DTNB: variants seen among roughly 807,000 people sequenced by gnomAD.
DTNB encodes the protein dystrobrevin beta.
DTNB carries 63 observed loss-of-function variants against 90.7 expected under a neutral mutation model. The observed-to-expected ratio is 0.69, with a 90% CI of 0.57 to 0.86. DTNB has a LOEUF of 0.86. Among genes scored for constraint, DTNB ranks in the 40% least tolerant of loss-of-function variants. The pLI, the probability that DTNB is intolerant of heterozygous loss-of-function variation, is 0.00. For missense variants in DTNB, 744 were observed against 807.1 expected (o/e 0.92, Z 0.95); for synonymous variants, 277 against 286.7 (o/e 0.97, Z 0.34).
At chr2:25,592,098 G>T (rs1573064436) in intron 6 of DTNB, among the ~76,000 whole-genome samples, 1 of 148,804 alleles carries the variant, frequency 6.7e-6, no homozygotes, top group Non-Finnish European at 1.5e-5. Context: ...TGCCTACCCA[G>T]CTTCAACAGT....
chr2:25,405,612 T>A (rs1573937462), intron 16 of DTNB, among the ~76,000 whole-genome samples: 1 of 152,168 alleles, frequency 6.6e-6, no homozygotes, highest in African/African-American at 2.4e-5. Context: ...GTTGTTGTTT[T>A]TTTTTTCAAC....
At position 25,432,909 on chromosome 2, in the gene DTNB, C is replaced by G; in HGVS notation, c.1434G>C (p.Leu478=). Residue 478 remains leucine (L), a synonymous_variant, in exon 14 of 21, where the codon CTG becomes CTC. Coordinates refer to ENST00000406818, the MANE Select transcript of DTNB (RefSeq NM_021907.5). ...ACCTCAGCAGCCGCAGCTCTGCCAG[C>G]AGCGTGGGGTTCTGCTGTGCCTTCT... The part of the protein sequence containing the change: ...TPEKAQQNPT[L]LAELRLLRQR... The G allele has an allele frequency of 6.2e-7, 1 of 1,608,410 alleles. No individual in the cohort carries two copies. Among genetic ancestry groups the G allele is most frequent in the Non-Finnish European group, 8.5e-7 (1 of 1,178,198 alleles).
intron 16 of DTNB, 80 bp from the exon 17 acceptor site, chr2:25,388,441 C>G (rs1393854818): frequency 6.7e-7 from 1 of 1,483,716 alleles, no homozygotes; most frequent in Non-Finnish European, 9.0e-7. Context: ...TTTTCTCCAT[C>G]AACCAGAGCC....
In DTNB at chr2:25,432,893, G is replaced by A. The variant is rs746077862; in HGVS notation, c.1450C>T (p.Leu484=). 4.0e-5 allele frequency: 64 copies of A among 1,601,096 alleles called. No homozygotes were observed. The highest frequency in any genetic ancestry group is 1.7e-4 in the Middle Eastern group (1 of 6,050). ...QNPTLLAELR[L]LRQRKDELEQ... is the part of the protein sequence containing the mutation. ...TAGAGTGTCCCTACTCACCTCAGCA[G>A]CCGCAGCTCTGCCAGCAGCGTGGGG... is the stretch of plus-strand genomic sequence containing the variant. Residue 484 remains leucine, a synonymous_variant, in exon 14 of 21, where the codon CTG becomes TTG. Transcript: ENST00000406818.
chr2:25,639,638 C>T (rs1390956505), intron 2 of DTNB, among the ~76,000 whole-genome samples: 1 of 150,900 alleles, frequency 6.6e-6, no homozygotes, highest in African/African-American at 2.4e-5. Context: ...ATTTTCAGAA[C>T]AGTATTTTAT....
intron 10 of DTNB, among the ~76,000 whole-genome samples, chr2:25,472,162 TAG>T (rs1275951357): frequency 6.6e-6 from 1 of 152,218 alleles, no homozygotes; most frequent in African/African-American, 2.4e-5. Flanking sequence ...AAAGAGCTTG[TAG>T]TCTAGAAAGG....
intron 3 of DTNB, 108 bp from the exon 4 acceptor site, chr2:25,628,492 C>G (rs760701015): frequency 4.2e-5 from 45 of 1,060,414 alleles, no homozygotes; most frequent in Middle Eastern, 2.7e-4. Flanking sequence ...AGAGAAGAAA[C>G]TCTTTAGCCA....
intron 15 of DTNB, among the ~76,000 whole-genome samples, chr2:25,427,110 G>A (rs1279072426): frequency 4.0e-5 from 6 of 151,526 alleles, no homozygotes; most frequent in African/African-American, 9.7e-5. Flanking sequence ...CCTGGGAGGC[G>A]GAGGTTCCAG....
rs185949031 is a variant in DTNB, at chr2:25,378,392, A to T, written c.*30-839T>A. Among the ~76,000 whole-genome samples, 584 of 152,228 alleles carry T rather than the reference A, an allele frequency of 3.8e-3. 5 individuals carry two copies. Among genetic ancestry groups the T allele is most frequent in the African/African-American group, 0.013 (553 of 41,542 alleles). ...CAGAGTCAGCGCAGGCCGAGGCTGC[A>T]GGGGCCCCGGGGGAGCGGGCAGAGG... On this transcript the variant is annotated intron_variant, in intron 20 of 20. Transcript: ENST00000406818.
intron 8 of DTNB, among the ~76,000 whole-genome samples, chr2:25,536,890 G>A (rs986910497): frequency 9.2e-5 from 14 of 152,190 alleles, no homozygotes; most frequent in East Asian, 5.8e-4. Flanking sequence ...CTACAGGCGC[G>A]TGCCACCATG....
chr2:25,472,398 TGA>T (rs2062970723), intron 10 of DTNB, among the ~76,000 whole-genome samples: 1 of 152,084 alleles, frequency 6.6e-6, no homozygotes, highest in Admixed American at 6.5e-5. Flanking sequence ...TGGGGCATTG[TGA>T]GAGGTCCAAG....
intron 16 of DTNB, among the ~76,000 whole-genome samples, chr2:25,412,553 C>A (rs143404742): frequency 6.6e-6 from 1 of 152,126 alleles, no homozygotes; most frequent in African/African-American, 2.4e-5. Context: ...AGTCTTTAAG[C>A]CTGATGATCA....
At position 25,659,030 on chromosome 2, in the gene DTNB, C is replaced by T. The variant is rs530374843; in HGVS notation, c.-1-6369G>A. ...GTCCCACCCCTGCTTCTCTAAGTTT[C>T]GGGACTACAGGAGTGAGCCACCACA... On this transcript the variant is annotated intron_variant, in intron 1 of 20. Coordinates refer to ENST00000406818, the MANE Select transcript of DTNB (RefSeq NM_021907.5). 3.4e-4 allele frequency among the ~76,000 whole-genome samples: 52 copies of T among 151,844 alleles called. 1 individual carries two copies. Among genetic ancestry groups the T allele is most frequent in the South Asian group, 2.5e-3 (12 of 4,800 alleles).
At position 25,658,120 on chromosome 2, in the gene DTNB, G is replaced by C. The variant is rs1052739484; in HGVS notation, c.-1-5459C>G. Among the ~76,000 whole-genome samples, 29 of 151,992 alleles carry C rather than the reference G, an allele frequency of 1.9e-4. 2 individuals carry two copies. The highest frequency in any genetic ancestry group is 1.7e-3 in the Admixed American group (26 of 15,264). ...AAAAGTACAAAAATGATCTGGGCGT[G>C]GTGGCACACACCTGTAGTCCCAGCT... On this transcript the variant is annotated intron_variant, in intron 1 of 20. Coordinates refer to ENST00000406818, the MANE Select transcript of DTNB (RefSeq NM_021907.5).
chr2:25,561,149 AC>A (rs1386146200), intron 8 of DTNB, among the ~76,000 whole-genome samples: 1 of 152,142 alleles, frequency 6.6e-6, no homozygotes, highest in African/African-American at 2.4e-5. Context: ...CATTGAGCCT[AC>A]CATCTTTATC....
At chr2:25,667,221 G>C (rs1327115943) in intron 1 of DTNB, among the ~76,000 whole-genome samples, 1 of 152,102 alleles carries the variant, frequency 6.6e-6, no homozygotes, top group African/African-American at 2.4e-5. Flanking sequence ...GGGTGTGGTG[G>C]CTCACGTCTT....
chr2:25,405,411 G>A (rs1038571476), intron 16 of DTNB, among the ~76,000 whole-genome samples: 5 of 152,038 alleles, frequency 3.3e-5, no homozygotes, highest in Admixed American at 2.6e-4. Context: ...TGTGGCTGCG[G>A]GCACCTGTAA....
intron 10 of DTNB, among the ~76,000 whole-genome samples, chr2:25,480,184 T>C (rs778122087): frequency 4.6e-5 from 7 of 152,168 alleles, no homozygotes; most frequent in Admixed American, 1.3e-4. Context: ...CTGGGGGCTG[T>C]AATGGTAGGG....
chr2:25,501,051 A>T (rs2070523972), intron 9 of DTNB, among the ~76,000 whole-genome samples: 1 of 152,218 alleles, frequency 6.6e-6, no homozygotes, highest in African/African-American at 2.4e-5. Context: ...CCCCTAAAGG[A>T]TAAAACAGCA....
Sources: allele counts gnomAD v4.1 joint callset (sites outside exome capture counted in the v4.1 genomes callset), GRCh38; gene constraint gnomAD v4.1.1; transcripts MANE v1.5; gene names NCBI Gene and HGNC (gene_info 2026-07-23, HGNC 2026-07-21).